The following PDE4B variants were observed in gnomAD, a reference collection of about 807,000 sequenced individuals.
PDE4B encodes the protein 3',5'-cyclic-AMP phosphodiesterase 4B.
Under a neutral mutation model 82.2 loss-of-function variants are expected in PDE4B, and 20 were observed. The ratio of observed to expected loss-of-function variants is 0.24; its 90% CI spans 0.17 to 0.35. The LOEUF is 0.35. Ranked by LOEUF, PDE4B falls within the 10% of genes least tolerant of loss-of-function variation. The pLI is 1.00. For synonymous variants in PDE4B, 320 were observed against 318.9 expected, an observed-to-expected ratio of 1.00 and a Z score of -0.04; for missense variants, 655 against 907.2, an observed-to-expected ratio of 0.72 and a Z score of 3.57.
At chr1:66,333,138 C>T (rs1660251141) in intron 8 of PDE4B, among the ~76,000 whole-genome samples, 1 of 152,196 alleles carries the variant, frequency 6.6e-6, no homozygotes, top group African/African-American at 2.4e-5. Context: ...TTTTGCGATG[C>T]TGGCATGACC....
At chr1:66,133,668 C>T (rs947098475) in intron 3 of PDE4B, among the ~76,000 whole-genome samples, 3 of 152,108 alleles carry the variant, frequency 2.0e-5, no homozygotes, top group African/African-American at 7.2e-5. Flanking sequence ...GTGTTACCTC[C>T]TTGTAATCCT....
chr1:66,194,594 T>C (rs769717222), intron 3 of PDE4B, among the ~76,000 whole-genome samples: 10 of 152,118 alleles, frequency 6.6e-5, no homozygotes, highest in Non-Finnish European at 1.3e-4. Flanking sequence ...AGAAGGTTAA[T>C]GAAGTAAAAT....
At chr1:66,203,076 G>T (rs796865441) in intron 3 of PDE4B, among the ~76,000 whole-genome samples, 1 of 150,790 alleles carries the variant, frequency 6.6e-6, no homozygotes, top group African/African-American at 2.4e-5. Flanking sequence ...TTGCTTGTCT[G>T]TAAAGTATTT....
chr1:66,287,784 A>G (rs1316258089), intron 7 of PDE4B, among the ~76,000 whole-genome samples: 1 of 152,144 alleles, frequency 6.6e-6, no homozygotes, highest in Admixed American at 6.6e-5. Context: ...CCTGGGCAAC[A>G]TAACAAGACC....
chr1:66,278,639 T>C (rs535799239), intron 7 of PDE4B, among the ~76,000 whole-genome samples: 4 of 152,350 alleles, frequency 2.6e-5, no homozygotes, highest in African/African-American at 9.6e-5. Flanking sequence ...GGCTCAGTTC[T>C]GTGAAGTAAA....
At chr1:65,993,166 T>G in intron 3 of PDE4B, 4 of 1,558,680 alleles carry the variant, frequency 2.6e-6, no homozygotes, top group Non-Finnish European at 3.5e-6. Flanking sequence ...TGGAGGTATC[T>G]ACAGTGCTTT....
intron 3 of PDE4B, among the ~76,000 whole-genome samples, chr1:66,009,926 TATC>T (rs1652381831): frequency 6.8e-6 from 1 of 146,000 alleles, no homozygotes; most frequent in Admixed American, 6.7e-5. Context: ...TCTATCTATC[TATC>T]TATCTATCTA....
At chr1:65,894,066 C>A (rs956194847) in intron 1 of PDE4B, among the ~76,000 whole-genome samples, 1 of 151,512 alleles carries the variant, frequency 6.6e-6, no homozygotes, top group Non-Finnish European at 1.5e-5. Flanking sequence ...GGGTGATGGG[C>A]GCACTAAAAT....
intron 3 of PDE4B, among the ~76,000 whole-genome samples, chr1:66,100,712 T>G (rs184346449): frequency 6.6e-6 from 1 of 152,176 alleles, no homozygotes; most frequent in African/African-American, 2.4e-5. Context: ...ACATTATTGC[T>G]GAATAAAGAT....
intron 3 of PDE4B, among the ~76,000 whole-genome samples, chr1:65,962,725 A>G (rs970763025): frequency 1.8e-4 from 27 of 152,166 alleles, no homozygotes; most frequent in African/African-American, 6.5e-4. Flanking sequence ...GCAGATCCTC[A>G]GTTTCTGTTG....
intron 3 of PDE4B, among the ~76,000 whole-genome samples, chr1:65,920,959 CTTTTTTTTTT>C (rs71058435): frequency 2.9e-5 from 2 of 68,150 alleles, no homozygotes; most frequent in Admixed American, 2.0e-4. Context: ...AAAAGCATTT[CTTTTTTTTTT>C]TTTTTTTTTT....
At chr1:65,841,986 A>G (rs1034979781) in intron 1 of PDE4B, among the ~76,000 whole-genome samples, 8 of 152,198 alleles carry the variant, frequency 5.3e-5, no homozygotes, top group South Asian at 2.1e-4. Flanking sequence ...TCTTCAAAGA[A>G]TCCATTATCT....
intron 12 of PDE4B, among the ~76,000 whole-genome samples, 164 bp downstream of exon 12, chr1:66,363,735 C>T (rs1031673239): frequency 3.3e-4 from 50 of 151,882 alleles, no homozygotes; most frequent in African/African-American, 1.2e-3. Context: ...TATGATTGCT[C>T]CCCTGGACTC....
At chr1:66,064,395 G>A (rs1199573082) in intron 3 of PDE4B, among the ~76,000 whole-genome samples, 3 of 151,798 alleles carry the variant, frequency 2.0e-5, no homozygotes, top group Non-Finnish European at 4.4e-5. Context: ...CTGTGGGATT[G>A]GAAGTCACTA....
intron 7 of PDE4B, among the ~76,000 whole-genome samples, chr1:66,303,822 G>A (rs1658077418): frequency 1.3e-5 from 2 of 152,142 alleles, no homozygotes; most frequent in South Asian, 4.1e-4. Context: ...GCCTGCTTAT[G>A]TGTCTGGTAT....
chr1:65,918,295 T>C (rs977035183), intron 2 of PDE4B, among the ~76,000 whole-genome samples: 5 of 152,190 alleles, frequency 3.3e-5, no homozygotes, highest in Non-Finnish European at 5.9e-5. Flanking sequence ...TAGCAACTTA[T>C]GAAAAAAATT....
intron 3 of PDE4B, among the ~76,000 whole-genome samples, chr1:66,041,829 T>TATACAC (rs1654401296): frequency 6.9e-6 from 1 of 145,612 alleles, no homozygotes; most frequent in African/African-American, 2.5e-5. Context: ...CACACACACA[T>TATACAC]ACACACACAC....
intron 1 of PDE4B, among the ~76,000 whole-genome samples, chr1:65,820,582 A>G (rs1012519004): frequency 2.0e-5 from 3 of 152,190 alleles, no homozygotes; most frequent in African/African-American, 7.2e-5. Flanking sequence ...TTTAAGTAAG[A>G]TGTATCTTAG....
intron 1 of PDE4B, among the ~76,000 whole-genome samples, chr1:65,865,193 C>T (rs1272396457): frequency 2.0e-5 from 3 of 152,178 alleles, no homozygotes; most frequent in Non-Finnish European, 4.4e-5. Context: ...GGAAAACCGC[C>T]TACTCAAGCC....
Sources: gnomAD v4.1 joint callset for allele counts (sites outside exome capture counted in the v4.1 genomes callset) on GRCh38, gnomAD v4.1.1 for gene constraint, MANE v1.5 for transcripts, NCBI Gene and HGNC (gene_info 2026-07-23, HGNC 2026-07-21) for gene names.